Variants in ADGRV1 observed in about 807,000 individuals in gnomAD.
ADGRV1 encodes the protein adhesion G protein-coupled receptor V1.
A neutral mutation model predicts 596.2 loss-of-function variants in ADGRV1; 359 were observed. The ratio of observed to expected loss-of-function variants is 0.60; its 90% CI spans 0.55 to 0.66. The LOEUF is 0.66. Ranked by LOEUF, ADGRV1 falls within the 30% of genes least tolerant of loss-of-function variation. The pLI is 0.00. For synonymous variants in ADGRV1, 2,681 were observed against 2,679.2 expected, an observed-to-expected ratio of 1.00 and a Z score of -0.02; for missense variants, 7,274 against 7,575.6, an observed-to-expected ratio of 0.96 and a Z score of 1.48.
At chr5:90,894,244 A>G (rs1404283701) in intron 83 of ADGRV1, among the ~76,000 whole-genome samples, 2 of 152,186 alleles carry the variant, frequency 1.3e-5, no homozygotes, top group Non-Finnish European at 2.9e-5. Flanking sequence ...AGTTTTGGCA[A>G]AGGTTTTCAT....
intron 11 of ADGRV1, among the ~76,000 whole-genome samples, chr5:90,639,649 A>G (rs1397397044): frequency 1.3e-5 from 2 of 152,176 alleles, no homozygotes; most frequent in Non-Finnish European, 2.9e-5. Flanking sequence ...TAGTTCAAAT[A>G]TATATTAAAA....
intron 24 of ADGRV1, 88 bp from the exon 25 acceptor site, chr5:90,675,992 T>C (rs749934969): frequency 1.8e-6 from 2 of 1,088,826 alleles, no homozygotes; most frequent in Non-Finnish European, 1.3e-6. Flanking sequence ...ACAAACATTC[T>C]GATTTTACAA....
intron 59 of ADGRV1, among the ~76,000 whole-genome samples, chr5:90,772,608 C>T (rs545622875): frequency 1.3e-5 from 2 of 152,250 alleles, no homozygotes; most frequent in South Asian, 4.1e-4. Context: ...CCAATATGTA[C>T]ATGTCTGCAA....
At chr5:90,986,259 A>G (rs1305381703) in intron 85 of ADGRV1, among the ~76,000 whole-genome samples, 1 of 151,890 alleles carries the variant, frequency 6.6e-6, no homozygotes, top group African/African-American at 2.4e-5. Context: ...TAAGGAAGAG[A>G]AAAAGTAGAA....
At chr5:91,137,555 A>G (rs1381758103) in intron 87 of ADGRV1, among the ~76,000 whole-genome samples, 3 of 152,236 alleles carry the variant, frequency 2.0e-5, no homozygotes, top group African/African-American at 7.2e-5. Context: ...CCAATATAGT[A>G]GACACTCAAA....
intron 86 of ADGRV1, among the ~76,000 whole-genome samples, chr5:91,091,109 G>A (rs1790345401): frequency 6.6e-6 from 1 of 152,140 alleles, no homozygotes; most frequent in Admixed American, 6.6e-5. Flanking sequence ...CTTAGATAAG[G>A]TGGATTGTTT....
At chr5:90,627,130 C>A in intron 6 of ADGRV1, 81 bp from the exon 7 acceptor site, 1 of 734,302 alleles carries the variant, frequency 1.4e-6, no homozygotes, top group Non-Finnish European at 2.1e-6. Context: ...TGTATTGAAA[C>A]ATAATGACTT....
At chr5:91,037,324 G>A (rs2662279) in intron 85 of ADGRV1, among the ~76,000 whole-genome samples, 93,318 of 151,982 alleles carry the variant, frequency 0.61, 29,008 homozygotes, top group South Asian at 0.68. Context: ...AACTGTGTCT[G>A]TCCTCCAAAG....
chr5:91,012,338 G>A (rs557235933), intron 85 of ADGRV1, among the ~76,000 whole-genome samples: 2 of 151,624 alleles, frequency 1.3e-5, no homozygotes, highest in Non-Finnish European at 2.9e-5. Flanking sequence ...TCCTTTCTCC[G>A]CCCATTTTCT....
At chr5:90,605,158 T>C (rs929749716) in intron 1 of ADGRV1, among the ~76,000 whole-genome samples, 1 of 152,188 alleles carries the variant, frequency 6.6e-6, no homozygotes, top group Admixed American at 6.5e-5. Context: ...AAAGACTTTA[T>C]GTAACCCCAA....
At chr5:90,817,207 C>G (rs1762987489) in intron 75 of ADGRV1, among the ~76,000 whole-genome samples, 1 of 151,500 alleles carries the variant, frequency 6.6e-6, no homozygotes, top group African/African-American at 2.4e-5. Flanking sequence ...GCATAAATGT[C>G]TTCTTTTGAG....
At chr5:90,636,136 C>A (rs1026038210) in intron 10 of ADGRV1, among the ~76,000 whole-genome samples, 1 of 151,964 alleles carries the variant, frequency 6.6e-6, no homozygotes, top group Admixed American at 6.6e-5. Flanking sequence ...CGTTCACATG[C>A]ACAGCACCCC....
intron 74 of ADGRV1, among the ~76,000 whole-genome samples, chr5:90,815,215 A>T (rs1412959746): frequency 6.6e-6 from 1 of 152,182 alleles, no homozygotes; most frequent in Non-Finnish European, 1.5e-5. Flanking sequence ...CTATATGCTC[A>T]GTTCTGTTCT....
chr5:91,114,278 G>A (rs140413449), intron 87 of ADGRV1, among the ~76,000 whole-genome samples: 1,809 of 152,104 alleles, frequency 0.012, 40 homozygotes, highest in African/African-American at 0.041. Flanking sequence ...TGTAATCCCA[G>A]CACTTTGGGA....
Position 91,164,200 on chromosome 5 carries a change from T to G in ADGRV1, c.*300T>G. The G allele has an allele frequency of 2.5e-6, 1 of 403,746 alleles. No homozygotes were observed. The highest frequency in any genetic ancestry group is 2.2e-5 in the South Asian group (1 of 45,630). The allele number at this position is 403,746 out of a possible 1,614,324, so 25.0% of individuals were successfully genotyped here. ...ATTGTTTAATGAAAGTAATAATCAATAAAGCAATAGAATCTATTTGGTATC... is the reference window on the plus strand; with the variant it reads ...ATTGTTTAATGAAAGTAATAATCAAGAAAGCAATAGAATCTATTTGGTATC... On this transcript the variant is annotated 3_prime_UTR_variant, in exon 90 of 90. Transcript: ENST00000405460.
chr5:90,894,585 A>G (rs1012406741), intron 83 of ADGRV1, among the ~76,000 whole-genome samples: 1 of 152,188 alleles, frequency 6.6e-6, no homozygotes, highest in African/African-American at 2.4e-5. Context: ...GCGATATTTC[A>G]GTACCTTGTT....
chr5:90,611,662 A>G (rs1222182615), intron 1 of ADGRV1, among the ~76,000 whole-genome samples: 1 of 152,000 alleles, frequency 6.6e-6, no homozygotes, highest in Admixed American at 6.6e-5. Flanking sequence ...AATTCATTTT[A>G]TAGAGAAGTT....
intron 87 of ADGRV1, among the ~76,000 whole-genome samples, chr5:91,130,522 CA>C (rs11423089): frequency 6.2e-3 from 456 of 73,330 alleles, no homozygotes; most frequent in African/African-American, 0.027. Context: ...AACTCCATCT[CA>C]AAAAAAAAAA....
At chr5:90,561,808 G>A (rs35980777) in intron 1 of ADGRV1, among the ~76,000 whole-genome samples, 10,548 of 152,154 alleles carry the variant, frequency 0.069, 431 homozygotes, top group Non-Finnish European at 0.089. Context: ...TATTTAATTT[G>A]GTTATAAAAT....
Sources: allele counts gnomAD v4.1 joint callset (sites outside exome capture counted in the v4.1 genomes callset), GRCh38; gene constraint gnomAD v4.1.1; transcripts MANE v1.5; gene names NCBI Gene and HGNC (gene_info 2026-07-23, HGNC 2026-07-21).